The following CSRNP3 variants were observed in gnomAD, a reference collection of about 807,000 sequenced individuals.
CSRNP3 encodes the protein cysteine and serine rich nuclear protein 3.
A neutral mutation model predicts 48.0 loss-of-function variants in CSRNP3; 12 were observed. That is an observed-to-expected ratio of 0.25 (90% CI 0.16 to 0.41). The LOEUF (loss-of-function observed/expected upper bound fraction) is 0.41, where lower values mean the gene tolerates loss of function less well. Ranked by LOEUF, CSRNP3 falls within the 10% of genes least tolerant of loss-of-function variation. The probability of loss-of-function intolerance (pLI) is 1.00; values close to 1 mark genes in which losing one functional copy is unlikely to be tolerated. For synonymous variants in CSRNP3, 263 were observed against 269.7 expected, an observed-to-expected ratio of 0.98 and a Z score of 0.24; for missense variants, 580 against 724.4, an observed-to-expected ratio of 0.80 and a Z score of 2.29.
chr2:165,583,821 G>A (rs760009981), intron 3 of CSRNP3, among the ~76,000 whole-genome samples: 18 of 152,108 alleles, frequency 1.2e-4, no homozygotes, highest in Non-Finnish European at 1.5e-4. Flanking sequence ...ACAAACACAA[G>A]CATGTACAAC....
At chr2:165,511,341 A>AT (rs1684503247) in intron 2 of CSRNP3, among the ~76,000 whole-genome samples, 1 of 152,188 alleles carries the variant, frequency 6.6e-6, no homozygotes, top group South Asian at 2.1e-4. Flanking sequence ...GAAAATAACG[A>AT]TTTTAAGATG....
chr2:165,684,568 C>T lies in CSRNP3; in HGVS notation c.*4815C>T, dbSNP rs2105371100. ...CCCAAAGTTTAAAGGCTTGATTACT[C>T]TATATTAGGTCTAATATGAATTTTC... On this transcript the variant is annotated 3_prime_UTR_variant, in exon 7 of 7. Transcript: ENST00000651982. The T allele has an allele frequency of 6.6e-6, 1 of 152,088 alleles. No individual in the cohort carries two copies. Among genetic ancestry groups the T allele is most frequent in the South Asian group, 2.1e-4 (1 of 4,826 alleles). 9.4% of individuals were successfully genotyped at this position (152,088 alleles called of 1,614,324 possible).
intron 4 of CSRNP3, among the ~76,000 whole-genome samples, chr2:165,608,629 A>G (rs186013539): frequency 2.0e-5 from 3 of 152,320 alleles, no homozygotes; most frequent in Non-Finnish European, 4.4e-5. Context: ...ATGCAGGCAT[A>G]TAAACAGTAT....
In CSRNP3 at chr2:165,683,200, G is replaced by A. The variant is rs1250443174; in HGVS notation, c.*3447G>A. ...AAATTCATTTGTCTCATGTCTTTTG[G>A]TTGATTGAATAATATAGTTACTTTT... On this transcript the variant is annotated 3_prime_UTR_variant, in exon 7 of 7. Coordinates refer to ENST00000651982, the MANE Select transcript of CSRNP3 (RefSeq NM_001172173.2). The A allele has an allele frequency of 6.6e-6, 1 of 151,906 alleles. No homozygotes were observed. The highest frequency in any genetic ancestry group is 1.5e-5 in the Non-Finnish European group (1 of 67,928). 9.4% of individuals were successfully genotyped at this position (151,906 alleles called of 1,614,324 possible). A position where few individuals can be genotyped will look rare whatever the true frequency, so the allele number is the denominator to read the frequency against.
chr2:165,482,622 A>G (rs1176642569), intron 1 of CSRNP3, among the ~76,000 whole-genome samples: 1 of 152,116 alleles, frequency 6.6e-6, no homozygotes, highest in African/African-American at 2.4e-5. Flanking sequence ...GATTGAAGCA[A>G]TTCTTCCCAT....
chr2:165,582,023 T>C (rs995874996), intron 3 of CSRNP3, among the ~76,000 whole-genome samples: 5 of 152,136 alleles, frequency 3.3e-5, no homozygotes, highest in African/African-American at 1.2e-4. Context: ...GAGAAAAACA[T>C]TGGGTTGAAC....
At chr2:165,631,528 G>A (rs1159873342) in intron 4 of CSRNP3, among the ~76,000 whole-genome samples, 1 of 152,146 alleles carries the variant, frequency 6.6e-6, no homozygotes, top group African/African-American at 2.4e-5. Flanking sequence ...AGCAGCCAAT[G>A]GCCAGCTCTC....
At position 165,562,399 on chromosome 2, in the gene CSRNP3, GC is replaced by G. The variant is rs1685245713; in HGVS notation, c.-23-32643del. ...TAACAAGGCTGAAAATGTGTTACCA[GC>G]TGTGGAACAGCTGCAACTGGGGAAA... On this transcript the variant is annotated intron_variant, in intron 3 of 6. Transcript: ENST00000651982. 6.6e-5 allele frequency among the ~76,000 whole-genome samples: 10 copies of G among 152,284 alleles called. No homozygotes were observed. The South Asian group carries it at 2.1e-3, about 32-fold the overall frequency.
At chr2:165,509,539 T>G (rs1192883246) in intron 2 of CSRNP3, among the ~76,000 whole-genome samples, 1 of 152,152 alleles carries the variant, frequency 6.6e-6, no homozygotes, top group Non-Finnish European at 1.5e-5. Flanking sequence ...CAATGCTGAT[T>G]GTTTGGCTGT....
intron 2 of CSRNP3, among the ~76,000 whole-genome samples, chr2:165,506,151 C>T (rs957573424): frequency 2.0e-5 from 3 of 152,110 alleles, no homozygotes; most frequent in African/African-American, 7.2e-5. Flanking sequence ...AGATGATCTG[C>T]GGAAGATGTC....
At chr2:165,528,588 A>G (rs138094798) in intron 3 of CSRNP3, among the ~76,000 whole-genome samples, 62 of 152,332 alleles carry the variant, frequency 4.1e-4, no homozygotes, top group East Asian at 3.7e-3. Flanking sequence ...GAGACTGTCT[A>G]TTCCCCATTG....
intron 3 of CSRNP3, among the ~76,000 whole-genome samples, chr2:165,571,177 ATATC>A (rs1685368446): frequency 6.6e-6 from 1 of 151,914 alleles, no homozygotes; most frequent in Non-Finnish European, 1.5e-5. Flanking sequence ...AAGTTACTAT[ATATC>A]TAACTACTCA....
intron 4 of CSRNP3, among the ~76,000 whole-genome samples, chr2:165,618,361 C>T (rs1686285960): frequency 6.6e-6 from 1 of 152,152 alleles, no homozygotes; most frequent in African/African-American, 2.4e-5. Flanking sequence ...AGTGTTCTCC[C>T]TTAGACACTG....
chr2:165,515,036 G>A (rs1684557818), intron 2 of CSRNP3, among the ~76,000 whole-genome samples: 1 of 152,072 alleles, frequency 6.6e-6, no homozygotes, highest in Non-Finnish European at 1.5e-5. Flanking sequence ...TTATAGATAC[G>A]TGGCCAAGCG....
chr2:165,543,369 A>G lies in CSRNP3; in HGVS notation c.-24+25408A>G, dbSNP rs1684982865. Among the ~76,000 whole-genome samples the G allele has an allele frequency of 2.0e-5, 3 of 152,228 alleles. No individual in the cohort carries two copies. The South Asian group carries it at 6.2e-4, about 31-fold the overall frequency. On this transcript the variant is annotated intron_variant, in intron 3 of 6. Coordinates refer to ENST00000651982, the MANE Select transcript of CSRNP3 (RefSeq NM_001172173.2). ...ACATTTAGCTAGTAAAGACAGAAAC[A>G]TAAAAGTTAAACATATTTACCTACA...
intron 5 of CSRNP3, among the ~76,000 whole-genome samples, chr2:165,671,677 C>A (rs921368954): frequency 6.6e-6 from 1 of 152,206 alleles, no homozygotes; most frequent in African/African-American, 2.4e-5. Context: ...ACATTTTCCC[C>A]ACTGTCTTGA....
At chr2:165,645,670 C>T (rs1686799410) in intron 4 of CSRNP3, among the ~76,000 whole-genome samples, 1 of 152,116 alleles carries the variant, frequency 6.6e-6, no homozygotes, top group Non-Finnish European at 1.5e-5. Context: ...CACAAATAAA[C>T]CCAACTGTCC....
chr2:165,624,523 G>C (rs1180338725), intron 4 of CSRNP3, among the ~76,000 whole-genome samples: 1 of 152,072 alleles, frequency 6.6e-6, no homozygotes, highest in African/African-American at 2.4e-5. Context: ...GAGGTACCCT[G>C]GTACCTACAC....
chr2:165,670,173 G>A (rs2105358216), intron 5 of CSRNP3, among the ~76,000 whole-genome samples: 1 of 152,228 alleles, frequency 6.6e-6, no homozygotes, highest in South Asian at 2.1e-4. Flanking sequence ...AATGCCTTCT[G>A]TCACCACTGT....
Sources: gnomAD v4.1 joint callset for allele counts (sites outside exome capture counted in the v4.1 genomes callset) on GRCh38, gnomAD v4.1.1 for gene constraint, MANE v1.5 for transcripts, NCBI Gene and HGNC (gene_info 2026-07-23, HGNC 2026-07-21) for gene names.